Variants in PXDNL observed in about 807,000 individuals in gnomAD.
PXDNL encodes the protein peroxidasin like.
In PXDNL, 145 loss-of-function variants were observed where a neutral mutation model predicts 150.8. The ratio of observed to expected loss-of-function variants is 0.96; its 90% CI spans 0.84 to 1.10. PXDNL has a LOEUF of 1.10. PXDNL is among the 50% of genes least tolerant of loss of function. The pLI is 0.00. For synonymous variants in PXDNL, 757 were observed against 725.7 expected, an observed-to-expected ratio of 1.04 and a Z score of -0.69; for missense variants, 2,087 against 1,873.9, an observed-to-expected ratio of 1.11 and a Z score of -2.10.
intron 4 of PXDNL, among the ~76,000 whole-genome samples, chr8:51,504,484 T>C (rs1811246412): frequency 6.6e-6 from 1 of 152,184 alleles, no homozygotes; most frequent in African/African-American, 2.4e-5. Flanking sequence ...CCCACCCTTC[T>C]TGCCTGGTAA....
At chr8:51,561,617 G>T (rs182027746) in intron 3 of PXDNL, among the ~76,000 whole-genome samples, 1 of 151,692 alleles carries the variant, frequency 6.6e-6, no homozygotes, top group Non-Finnish European at 1.5e-5. Flanking sequence ...AAAGTAAACC[G>T]GTCACAAGAA....
rs528300987 is a variant in PXDNL at position 51,649,482 on chromosome 8, G to T, written c.236+5207C>A. 6.6e-5 allele frequency among the ~76,000 whole-genome samples: 10 copies of T among 152,198 alleles called. No homozygotes were observed. The South Asian group carries it at 2.1e-3, about 32-fold the overall frequency. On this transcript the variant is annotated intron_variant, in intron 2 of 22. Transcript: ENST00000356297. The stretch of plus-strand genomic sequence containing the variant: ...TAATACTAGAAGACATAATCTCTTA[G>T]CTTTGTAGGTGAAGAAACTGTGATC...
rs116055639 is a variant in PXDNL, at chr8:51,623,962, G to A, written c.236+30727C>T. On this transcript the variant is annotated intron_variant, in intron 2 of 22. Coordinates refer to ENST00000356297, the MANE Select transcript of PXDNL (RefSeq NM_144651.5). ...TAAAAAAGTAGCCTGCTGTGGTGGC[G>A]TATTCCTGTAGTCCCAGCTACTTGG... 6.3e-3 allele frequency among the ~76,000 whole-genome samples: 960 copies of A among 151,944 alleles called. 11 individuals carry two copies. Among genetic ancestry groups the A allele is most frequent in the African/African-American group, 0.022 (901 of 41,456 alleles).
At chr8:51,635,771 A>T (rs929460112) in intron 2 of PXDNL, among the ~76,000 whole-genome samples, 2 of 152,078 alleles carry the variant, frequency 1.3e-5, no homozygotes, top group Non-Finnish European at 1.5e-5. Context: ...AAATTTTATC[A>T]AATATTTAAA....
chr8:51,686,178 A>T (rs1001836029), intron 1 of PXDNL, among the ~76,000 whole-genome samples: 2 of 152,212 alleles, frequency 1.3e-5, no homozygotes, highest in African/African-American at 4.8e-5. Flanking sequence ...TGGGAAACAG[A>T]TTCACTTTCG....
rs189773333 is a variant in PXDNL, at chr8:51,470,156, T to A, written c.812+2031A>T. On this transcript the variant is annotated intron_variant, in intron 8 of 22. Transcript: ENST00000356297. ...GTTTTAAGACATTACAAGCAGCGAT[T>A]TCTGTTTATCAAGTGCACTTGAGCA... Among the ~76,000 whole-genome samples the A allele has an allele frequency of 2.9e-4, 44 of 152,212 alleles. No individual in the cohort carries two copies. The East Asian group carries it at 6.4e-3, about 22-fold the overall frequency.
chr8:51,444,804 C>G (rs1277644928), intron 12 of PXDNL, among the ~76,000 whole-genome samples: 3 of 152,168 alleles, frequency 2.0e-5, no homozygotes, highest in Non-Finnish European at 4.4e-5. Context: ...GTTTATAGAT[C>G]TCATAACGTG....
rs1301181478 is a variant in PXDNL, at chr8:51,529,172, G to GAA, written c.380+27666_380+27667dup. Among the ~76,000 whole-genome samples the GAA allele has an allele frequency of 2.6e-5, 4 of 152,144 alleles. No individual in the cohort carries two copies. In the East Asian group the frequency reaches 7.7e-4, roughly 29 times the overall value. ...GTATATACACAAGCAAGATGAAAAA[G>GAA]AAGTACACAAAAATATTTGTCAGAG... On this transcript the variant is annotated intron_variant, in intron 4 of 22. Transcript: ENST00000356297.
chr8:51,565,332 A>C (rs1563466633), intron 3 of PXDNL, among the ~76,000 whole-genome samples: 1 of 138,674 alleles, frequency 7.2e-6, no homozygotes, highest in East Asian at 1.9e-4. Flanking sequence ...ATAGATAGAT[A>C]GATAGATAGA....
chr8:51,408,006 C>T, intron 17 of PXDNL, 61 bp downstream of exon 17: 2 of 1,430,654 alleles, frequency 1.4e-6, no homozygotes, highest in South Asian at 2.9e-5. Flanking sequence ...CACAAAATGA[C>T]CTTTAACACT....
intron 12 of PXDNL, among the ~76,000 whole-genome samples, chr8:51,446,269 G>C (rs548994738): frequency 6.6e-6 from 1 of 152,152 alleles, no homozygotes; most frequent in Non-Finnish European, 1.5e-5. Context: ...GATCTAATAC[G>C]TCAGAACAAA....
chr8:51,770,758 T>C (rs1181558950), intron 1 of PXDNL, among the ~76,000 whole-genome samples: 1 of 152,154 alleles, frequency 6.6e-6, no homozygotes, highest in Non-Finnish European at 1.5e-5. Context: ...AGAATGAACA[T>C]GTTAAAGTTG....
intron 1 of PXDNL, among the ~76,000 whole-genome samples, chr8:51,744,712 A>G (rs1435581428): frequency 9.6e-6 from 1 of 104,146 alleles, no homozygotes; most frequent in Non-Finnish European, 1.9e-5. Flanking sequence ...GAAAGAAAGA[A>G]AGAAAAGAGA....
At chr8:51,379,493 T>C (rs1489421093) in intron 17 of PXDNL, among the ~76,000 whole-genome samples, 2 of 151,956 alleles carry the variant, frequency 1.3e-5, no homozygotes, top group South Asian at 2.1e-4. Context: ...TACTGAAATG[T>C]GTATTTATAC....
intron 2 of PXDNL, among the ~76,000 whole-genome samples, chr8:51,646,223 T>A (rs960473479): frequency 5.3e-5 from 8 of 152,198 alleles, no homozygotes; most frequent in African/African-American, 1.7e-4. Flanking sequence ...CAGCAGGATA[T>A]CTGTGTGCAG....
At chr8:51,472,337 G>A (rs1350646726) in intron 7 of PXDNL, 33 bp from the exon 8 acceptor site, 3 of 1,532,986 alleles carry the variant, frequency 2.0e-6, no homozygotes, top group Middle Eastern at 1.7e-4. Context: ...GTATTTTTCA[G>A]AGATACAAAA....
In PXDNL at chr8:51,713,006, G is replaced by A. The variant is rs142220640; in HGVS notation, c.165-58246C>T. On this transcript the variant is annotated intron_variant, in intron 1 of 22. Transcript: ENST00000356297. The stretch of plus-strand genomic sequence containing the variant: ...TACTCATCACAATTAAATCTCTAAC[G>A]TGAGCTAATTTTAAGATTATTTTTA... Among the ~76,000 whole-genome samples, 14 of 152,244 alleles carry A rather than the reference G, an allele frequency of 9.2e-5. No individual in the cohort carries two copies. In the East Asian group the frequency reaches 1.5e-3, roughly 17 times the overall value.
chr8:51,500,750 T>C (rs1811161156), intron 4 of PXDNL, among the ~76,000 whole-genome samples: 1 of 152,244 alleles, frequency 6.6e-6, no homozygotes, highest in Non-Finnish European at 1.5e-5. Context: ...TGTACATTTA[T>C]GTGGGAAGAC....
chr8:51,632,088 T>G (rs906572007), intron 2 of PXDNL, among the ~76,000 whole-genome samples: 1 of 151,990 alleles, frequency 6.6e-6, no homozygotes, highest in Admixed American at 6.6e-5. Flanking sequence ...TGCAAATAAT[T>G]TTTTTGGCTA....
Sources: allele counts gnomAD v4.1 joint callset (sites outside exome capture counted in the v4.1 genomes callset), GRCh38; gene constraint gnomAD v4.1.1; transcripts MANE v1.5; gene names NCBI Gene and HGNC (gene_info 2026-07-23, HGNC 2026-07-21).